The following ELOVL6 variants were observed in gnomAD, a reference collection of about 807,000 sequenced individuals.
ELOVL6 encodes very long chain fatty acid elongase 6.
A neutral mutation model predicts 31.7 loss-of-function variants in ELOVL6; 8 were observed. The observed-to-expected ratio is 0.25, with a 90% CI of 0.15 to 0.45. The LOEUF is 0.45. Among genes scored for constraint, ELOVL6 ranks in the 20% least tolerant of loss-of-function variants. The probability of loss-of-function intolerance (pLI) is 1.00; values close to 1 mark genes in which losing one functional copy is unlikely to be tolerated. For missense variants in ELOVL6, 126 were observed against 326.4 expected (o/e 0.39, Z 4.73); for synonymous variants, 101 against 117.7 (o/e 0.86, Z 0.92).
rs1442074166 is a variant in ELOVL6 at position 110,141,776 on chromosome 4, A to T, written c.90-36148T>A. On this transcript the variant is annotated intron_variant, in intron 1 of 3. Transcript: ENST00000302274. ...TAGTATTGTATTAGTATATATATAC[A>T]GTATATATGTATATATACTAATACA... 4.8e-5 allele frequency among the ~76,000 whole-genome samples: 7 copies of T among 145,568 alleles called. No individual in the cohort carries two copies. The Admixed American group carries it at 4.9e-4, about 10-fold the overall frequency.
chr4:110,140,941 G>A (rs1286631413), intron 1 of ELOVL6, among the ~76,000 whole-genome samples: 2 of 152,092 alleles, frequency 1.3e-5, no homozygotes, highest in Non-Finnish European at 2.9e-5. Context: ...TGGACTCACA[G>A]TTCCACGTGG....
At chr4:110,160,883 T>C (rs1758611874) in intron 1 of ELOVL6, among the ~76,000 whole-genome samples, 1 of 152,352 alleles carries the variant, frequency 6.6e-6, no homozygotes, top group South Asian at 2.1e-4. Context: ...GACTCCTTTA[T>C]GGTTTTAATT....
intron 1 of ELOVL6, among the ~76,000 whole-genome samples, chr4:110,129,647 CTCTTT>C (rs778050241): frequency 1.3e-5 from 2 of 152,210 alleles, no homozygotes; most frequent in African/African-American, 2.4e-5. Flanking sequence ...CTTTGCTCTT[CTCTTT>C]TCTTCCTAGT....
intron 1 of ELOVL6, among the ~76,000 whole-genome samples, chr4:110,179,045 T>C (rs1759198325): frequency 6.6e-6 from 1 of 152,080 alleles, no homozygotes. Flanking sequence ...TCTGCAAAAG[T>C]ATGTATTTTT....
At chr4:110,109,236 T>G (rs547712617) in intron 1 of ELOVL6, among the ~76,000 whole-genome samples, 58 of 152,198 alleles carry the variant, frequency 3.8e-4, no homozygotes, top group Non-Finnish European at 6.9e-4. Flanking sequence ...AATCAGTCAT[T>G]TTGAGATAGC....
At chr4:110,183,080 T>C (rs1759337495) in intron 1 of ELOVL6, among the ~76,000 whole-genome samples, 1 of 152,004 alleles carries the variant, frequency 6.6e-6, no homozygotes, top group African/African-American at 2.4e-5. Flanking sequence ...AAGAAGGAAA[T>C]CAAAATATTT....
chr4:110,061,549 CTTTTTTTT>C (rs57846282), intron 2 of ELOVL6, among the ~76,000 whole-genome samples: 5,911 of 72,320 alleles, frequency 0.082, 258 homozygotes, highest in East Asian at 0.24. Context: ...CAAATGATGG[CTTTTTTTT>C]TTTTTTTTTT....
intron 1 of ELOVL6, among the ~76,000 whole-genome samples, chr4:110,182,759 T>C (rs1216111959): frequency 6.6e-6 from 1 of 151,872 alleles, no homozygotes; most frequent in Non-Finnish European, 1.5e-5. Flanking sequence ...AAATACAAAA[T>C]TAGCCAGGCG....
chr4:110,182,199 T>C (rs189569168), intron 1 of ELOVL6, among the ~76,000 whole-genome samples: 255 of 152,330 alleles, frequency 1.7e-3, no homozygotes, highest in Non-Finnish European at 2.8e-3. Flanking sequence ...TAAAGTTAAA[T>C]TAATGTTTTT....
chr4:110,066,786 A>C (rs1755318027), intron 2 of ELOVL6, among the ~76,000 whole-genome samples: 1 of 152,102 alleles, frequency 6.6e-6, no homozygotes, highest in African/African-American at 2.4e-5. Context: ...TCTGGGATAC[A>C]TGTGCAGAAC....
chr4:110,162,742 T>A (rs1758666014), intron 1 of ELOVL6, among the ~76,000 whole-genome samples: 1 of 152,202 alleles, frequency 6.6e-6, no homozygotes, highest in South Asian at 2.1e-4. Flanking sequence ...TGTGCTGAAG[T>A]ACGCCAAATT....
intron 1 of ELOVL6, among the ~76,000 whole-genome samples, chr4:110,185,819 CCACTCCATGTAT>C (rs1396051620): frequency 5.6e-5 from 8 of 142,538 alleles, no homozygotes; most frequent in Admixed American, 5.5e-4. Context: ...CTTCAATCAG[CCACTCCATGTAT>C]AATGGACTGA....
At chr4:110,141,882 C>CT (rs1757974660) in intron 1 of ELOVL6, among the ~76,000 whole-genome samples, 13 of 78,172 alleles carry the variant, frequency 1.7e-4, no homozygotes, top group Non-Finnish European at 3.1e-5. Flanking sequence ...TATACTAATA[C>CT]AATACAATAC....
chr4:110,074,148 G>A (rs1323454453), intron 2 of ELOVL6, among the ~76,000 whole-genome samples: 1 of 152,150 alleles, frequency 6.6e-6, no homozygotes, highest in Non-Finnish European at 1.5e-5. Context: ...AACTCCCCAG[G>A]ATACCAAAAT....
intron 3 of ELOVL6, among the ~76,000 whole-genome samples, chr4:110,058,681 G>A (rs550606759): frequency 6.6e-6 from 1 of 152,246 alleles, no homozygotes; most frequent in South Asian, 2.1e-4. Context: ...TATTAGGTTG[G>A]TGCAAAAGTT....
At chr4:110,148,680 T>C (rs968333926) in intron 1 of ELOVL6, among the ~76,000 whole-genome samples, 3 of 152,160 alleles carry the variant, frequency 2.0e-5, no homozygotes, top group Admixed American at 1.3e-4. Context: ...AGGGGATGGA[T>C]ACACCATTTT....
intron 1 of ELOVL6, among the ~76,000 whole-genome samples, chr4:110,122,397 G>A (rs774663836): frequency 7.2e-5 from 11 of 152,024 alleles, no homozygotes; most frequent in Non-Finnish European, 1.3e-4. Context: ...TTTTTTTGTG[G>A]TTTCTGTTTT....
chr4:110,084,186 C>CATATATATGATAT (rs201356784), intron 2 of ELOVL6, among the ~76,000 whole-genome samples: 1 of 45,220 alleles, frequency 2.2e-5, no homozygotes, highest in South Asian at 7.1e-4. Context: ...ATATATATAA[C>CATATATATGATAT]ATATAACTTA....
At position 110,118,689 on chromosome 4, in the gene ELOVL6, T is replaced by C. The variant is rs761950193; in HGVS notation, c.90-13061A>G. Among the ~76,000 whole-genome samples, 4 of 152,220 alleles carry C rather than the reference T, an allele frequency of 2.6e-5. No individual in the cohort carries two copies. The East Asian group carries it at 5.8e-4, about 22-fold the overall frequency. On this transcript the variant is annotated intron_variant, in intron 1 of 3. Transcript: ENST00000302274. ...TCCATATGTTGGCTGCTGTGAATAA[T>C]GCTACAATGAACATGGGGATACTCC...
Sources: gnomAD v4.1 joint callset for allele counts (sites outside exome capture counted in the v4.1 genomes callset) on GRCh38, gnomAD v4.1.1 for gene constraint, MANE v1.5 for transcripts, NCBI Gene and HGNC (gene_info 2026-07-23, HGNC 2026-07-21) for gene names.